Variants in INPP1 observed in about 807,000 individuals in gnomAD.
INPP1 encodes the protein inositol polyphosphate-1-phosphatase, also known as inositol polyphosphate 1-phosphatase.
INPP1 carries 18 observed loss-of-function variants against 23.0 expected under a neutral mutation model. That is an observed-to-expected ratio of 0.78 (90% confidence interval 0.54 to 1.16). INPP1 has a LOEUF of 1.16. INPP1 is among the 50% of genes most tolerant of loss of function. INPP1 has a pLI of 0.00. For missense variants in INPP1, 448 were observed against 482.1 expected (o/e 0.93, Z 0.66); for synonymous variants, 164 against 176.3 (o/e 0.93, Z 0.55).
chr2:190,356,845 C>T lies in INPP1; in HGVS notation c.-64-3194C>T, dbSNP rs1308098564. Reference sequence around the variant, plus strand: ...TTTTGATACTGTTGATTCATTGATTCTTCTGCCTTATAACCACAGAACATT... The same window carrying T: ...TTTTGATACTGTTGATTCATTGATTTTTCTGCCTTATAACCACAGAACATT... On this transcript the variant is annotated intron_variant, in intron 2 of 6. Transcript: ENST00000392329. The surrounding 1 kb of genome is among the most constrained non-coding windows in gnomAD (Gnocchi z 6.4). 1.3e-5 allele frequency: 2 copies of T among 152,272 alleles called. No individual in the cohort carries two copies. The highest frequency in any genetic ancestry group is 2.1e-4 in the South Asian group (1 of 4,828). 9.4% of individuals were successfully genotyped at this position (152,272 alleles called of 1,614,324 possible). A position where few individuals can be genotyped will look rare whatever the true frequency, so the allele number is the denominator to read the frequency against.
Position 190,360,069 on chromosome 2 carries a change from AC to A in INPP1, c.-32del. On this transcript the variant is annotated 5_prime_UTR_variant, in exon 3 of 7. Transcript: ENST00000392329. ...GGCCCAGAGGGTGGGTGCCAATTCC[AC>A]CAGCAGCTGCAACTGAAAAGCAAGG... 1 of 1,605,828 alleles carries A rather than the reference AC, an allele frequency of 6.2e-7. No individual in the cohort carries two copies. Among genetic ancestry groups the A allele is most frequent in the African/African-American group, 1.3e-5 (1 of 74,880 alleles).
intron 6 of INPP1, 65 bp downstream of exon 6, chr2:190,369,342 G>A: frequency 1.2e-6 from 1 of 863,838 alleles, no homozygotes. Context: ...TTTGCTTGTT[G>A]TTAGGATTAT....
At chr2:190,361,591 A>G (rs1263620256) in intron 3 of INPP1, among the ~76,000 whole-genome samples, 1 of 152,202 alleles carries the variant, frequency 6.6e-6, no homozygotes, top group Non-Finnish European at 1.5e-5. Context: ...ATGGGCTAAT[A>G]TTTGCCTCAA....
chr2:190,369,489 A>T (rs372732515), intron 6 of INPP1, among the ~76,000 whole-genome samples: 51 of 152,344 alleles, frequency 3.3e-4, no homozygotes, highest in African/African-American at 1.2e-3. Flanking sequence ...TAGAAATTTT[A>T]AAATTAATAC....
intron 3 of INPP1, among the ~76,000 whole-genome samples, chr2:190,361,203 G>A (rs1689527739): frequency 6.6e-6 from 1 of 152,200 alleles, no homozygotes; most frequent in Admixed American, 6.5e-5. Context: ...GGTAGGGCCA[G>A]TTTTTGAACA....
chr2:190,371,359 G>T lies in INPP1; in HGVS notation c.1157G>T (p.Ser386Ile). ...RSRKRLETFL[S>I]LLVQNLAPAE... ...AGGAAGCGGCTGGAGACATTCCTGA[G>T]CCTCCTGGTCCAAAACCTGGCACCT... is the stretch of plus-strand genomic sequence containing the variant. Residue 386 changes from serine (S) to isoleucine (I), a missense_variant, in exon 7 of 7, where the codon AGC becomes ATC. Physicochemically the swap from Ser to Ile is moderately radical, Grantham distance 142. Coordinates refer to ENST00000392329, the MANE Select transcript of INPP1 (RefSeq NM_001128928.2). The surrounding 1 kb of genome is among the most constrained non-coding windows in gnomAD (Gnocchi z 5.3). 6.5e-7 allele frequency: 1 copy of T among 1,543,354 alleles called. No individual in the cohort carries two copies. Among genetic ancestry groups the T allele is most frequent in the Non-Finnish European group, 8.7e-7 (1 of 1,145,572 alleles).
rs1689753181 is a variant in INPP1 at position 190,369,288 on chromosome 2, A to G, written c.641+11A>G. On this transcript the variant is annotated intron_variant, in intron 6 of 6. Transcript: ENST00000392329. ...TCCAAACACCCTCAGGTAAAAGGCA[A>G]ATATTTTTGGTATATTATGGTTGTT... is the stretch of plus-strand genomic sequence containing the variant. 1 of 1,540,196 alleles carries G rather than the reference A, an allele frequency of 6.5e-7. No homozygotes were observed. Among genetic ancestry groups the G allele is most frequent in the African/African-American group, 1.4e-5 (1 of 73,180 alleles).
In INPP1 at chr2:190,367,061, T is replaced by A. The variant is rs1689694552; in HGVS notation, c.466+166T>A. On this transcript the variant is annotated intron_variant, in intron 5 of 6. Coordinates refer to ENST00000392329, the MANE Select transcript of INPP1 (RefSeq NM_001128928.2). This position sits in a 1 kb window ranked among gnomAD's most constrained non-coding sequence, Gnocchi z 4.1. ...AATGAGAGTTGAGGTGTATGTGTCATGTGTTCTGTATATATACATATATAT... is the reference window on the plus strand; with the variant it reads ...AATGAGAGTTGAGGTGTATGTGTCAAGTGTTCTGTATATATACATATATAT... Among the ~76,000 whole-genome samples, 1 of 152,226 alleles carries A rather than the reference T, an allele frequency of 6.6e-6. No homozygotes were observed. Among genetic ancestry groups the A allele is most frequent in the Non-Finnish European group, 1.5e-5 (1 of 68,040 alleles).
intron 2 of INPP1, among the ~76,000 whole-genome samples, chr2:190,350,763 A>G (rs1314675777): frequency 6.6e-6 from 1 of 152,216 alleles, no homozygotes; most frequent in Non-Finnish European, 1.5e-5. Flanking sequence ...ATTCACATAT[A>G]CCATATTTAA....
Position 190,363,952 on chromosome 2 carries a change from T to C in INPP1, c.265+1265T>C, listed in dbSNP as rs1166958986. On this transcript the variant is annotated intron_variant, in intron 4 of 6. Transcript: ENST00000392329. The surrounding 1 kb of genome is among the most constrained non-coding windows in gnomAD (Gnocchi z 4.4). ...GGCAAGACCAGATCATAGGAAGGGATTTAGATTTCCCTCTCAGTGGGATGG... is the reference window on the plus strand; with the variant it reads ...GGCAAGACCAGATCATAGGAAGGGACTTAGATTTCCCTCTCAGTGGGATGG... Among the ~76,000 whole-genome samples, 1 of 152,138 alleles carries C rather than the reference T, an allele frequency of 6.6e-6. No individual in the cohort carries two copies. Among genetic ancestry groups the C allele is most frequent in the East Asian group, 1.9e-4 (1 of 5,196 alleles).
At chr2:190,353,126 C>A (rs922003798) in intron 2 of INPP1, among the ~76,000 whole-genome samples, 3 of 152,176 alleles carry the variant, frequency 2.0e-5, no homozygotes, top group African/African-American at 4.8e-5. Flanking sequence ...TATGTCATCA[C>A]CCTTCTGTCA....
At position 190,371,363 on chromosome 2, in the gene INPP1, C is replaced by A; in HGVS notation, c.1161C>A (p.Leu387=). The A allele has an allele frequency of 1.3e-6, 2 of 1,538,598 alleles. No homozygotes were observed. Among genetic ancestry groups the A allele is most frequent in the South Asian group, 2.6e-5 (2 of 77,912 alleles). ...SRKRLETFLS[L]LVQNLAPAET... ...AGCGGCTGGAGACATTCCTGAGCCT[C>A]CTGGTCCAAAACCTGGCACCTGCAG... The change falls in exon 7 of 7, where the codon CTC becomes CTA. Residue 387 remains leucine, a synonymous_variant. Transcript: ENST00000392329. The surrounding 1 kb of genome is among the most constrained non-coding windows in gnomAD (Gnocchi z 5.3).
chr2:190,349,368 C>T (rs1689284853), intron 2 of INPP1, among the ~76,000 whole-genome samples: 2 of 152,068 alleles, frequency 1.3e-5, no homozygotes, highest in South Asian at 4.1e-4. Flanking sequence ...GCCTGGGAGG[C>T]GGAGGTTGCA....
At chr2:190,358,665 T>A (rs1192288459) in intron 2 of INPP1, among the ~76,000 whole-genome samples, 1 of 152,232 alleles carries the variant, frequency 6.6e-6, no homozygotes, top group Non-Finnish European at 1.5e-5. Context: ...AGCTTAACTA[T>A]AAAACAGGGT....
rs1689569188 is a variant in INPP1, at chr2:190,363,236, T to A, written c.265+549T>A. Reference sequence around the variant, plus strand: ...TTCCTTTTAGTACTAAGTTTTTTGGTTTGTTTGTTTGTTTTTGAGACAGAG... The same window carrying A: ...TTCCTTTTAGTACTAAGTTTTTTGGATTGTTTGTTTGTTTTTGAGACAGAG... On this transcript the variant is annotated intron_variant, in intron 4 of 6. Transcript: ENST00000392329. This position sits in a 1 kb window ranked among gnomAD's most constrained non-coding sequence, Gnocchi z 4.4. 6.6e-6 allele frequency among the ~76,000 whole-genome samples: 1 copy of A among 152,136 alleles called. No homozygotes were observed. Among genetic ancestry groups the A allele is most frequent in the Non-Finnish European group, 1.5e-5 (1 of 68,018 alleles).
At chr2:190,360,742 A>C (rs1490061669) in intron 3 of INPP1, among the ~76,000 whole-genome samples, 1 of 151,934 alleles carries the variant, frequency 6.6e-6, no homozygotes, top group Non-Finnish European at 1.5e-5. Context: ...GACACATACA[A>C]TGTATTGCAA....
chr2:190,368,359 T>C lies in INPP1; in HGVS notation c.467-744T>C, dbSNP rs924560797. 3.3e-5 allele frequency among the ~76,000 whole-genome samples: 5 copies of C among 152,222 alleles called. No individual in the cohort carries two copies. The highest frequency in any genetic ancestry group is 1.2e-4 in the African/African-American group (5 of 41,444). Reference sequence around the variant, plus strand: ...TAGGAGCTCCGTTAATTTCTTTTTTTGGTGCCACCATCATTGTCTCTTTCT... The same window carrying C: ...TAGGAGCTCCGTTAATTTCTTTTTTCGGTGCCACCATCATTGTCTCTTTCT... On this transcript the variant is annotated intron_variant, in intron 5 of 6. Transcript: ENST00000392329. The surrounding 1 kb of genome is among the most constrained non-coding windows in gnomAD (Gnocchi z 4.3).
At position 190,354,001 on chromosome 2, in the gene INPP1, A is replaced by G. The variant is rs1004152557; in HGVS notation, c.-65+4970A>G. Among the ~76,000 whole-genome samples the G allele has an allele frequency of 1.3e-5, 2 of 152,210 alleles. No homozygotes were observed. The highest frequency in any genetic ancestry group is 1.5e-5 in the Non-Finnish European group (1 of 68,028). ...CAAAAGCAAAAGAGACCCTAATTCTATCTGACATTGTGACACAATTTTATG... is the reference window on the plus strand; with the variant it reads ...CAAAAGCAAAAGAGACCCTAATTCTGTCTGACATTGTGACACAATTTTATG... On this transcript the variant is annotated intron_variant, in intron 2 of 6. Transcript: ENST00000392329. This position sits in a 1 kb window ranked among gnomAD's most constrained non-coding sequence, Gnocchi z 4.8.
intron 4 of INPP1, among the ~76,000 whole-genome samples, chr2:190,365,987 CGCTCTCTCTCGCTCTCTCGCTCTG>C (rs1689645376): frequency 4.3e-5 from 1 of 23,320 alleles, no homozygotes; most frequent in Admixed American, 6.9e-4. Context: ...CGCTCTGTCT[CGCTCTCTCTCGCTCTCTCGCTCTG>C]TCTCGCTCTC....
Sources: gnomAD v4.1 joint callset for allele counts (sites outside exome capture counted in the v4.1 genomes callset) on GRCh38, gnomAD v4.1.1 for gene constraint, Gnocchi (gnomAD v3.1) non-coding constraint, MANE v1.5 for transcripts, NCBI Gene and HGNC (gene_info 2026-07-23, HGNC 2026-07-21) for gene names.